ADGRL4: variants seen among roughly 807,000 people sequenced by gnomAD.
The protein encoded by ADGRL4 is adhesion G protein-coupled receptor L4.
Under a neutral mutation model 74.8 loss-of-function variants are expected in ADGRL4, and 90 were observed. The ratio of observed to expected loss-of-function variants is 1.20; its 90% CI spans 1.02 to 1.43. The LOEUF is 1.43. Ranked by LOEUF, ADGRL4 falls within the 40% of genes most tolerant of loss-of-function variation. The probability of loss-of-function intolerance (pLI) is 0.00; values close to 1 mark genes in which losing one functional copy is unlikely to be tolerated. For missense variants in ADGRL4, 881 were observed against 814.3 expected (o/e 1.08, Z -1.00); for synonymous variants, 311 against 279.2 (o/e 1.11, Z -1.14).
At chr1:78,982,158 T>C (rs1321139754) in intron 2 of ADGRL4, among the ~76,000 whole-genome samples, 4 of 151,924 alleles carry the variant, frequency 2.6e-5, no homozygotes, top group Non-Finnish European at 5.9e-5. Flanking sequence ...TAAAACACTT[T>C]CTAACTTGAA....
intron 13 of ADGRL4, 152 bp from the exon 14 acceptor site, chr1:78,891,844 G>A: frequency 1.6e-6 from 1 of 615,726 alleles, no homozygotes; most frequent in Admixed American, 3.4e-5. Context: ...GCTAAGTTGT[G>A]CTGCAGTTAG....
At chr1:78,989,101 T>C (rs1346329454) in intron 2 of ADGRL4, among the ~76,000 whole-genome samples, 1 of 151,824 alleles carries the variant, frequency 6.6e-6, no homozygotes, top group African/African-American at 2.4e-5. Flanking sequence ...TAGACACTTA[T>C]TCAATTTCTG....
chr1:78,959,198 A>G (rs1292192050), intron 2 of ADGRL4, among the ~76,000 whole-genome samples: 1 of 152,238 alleles, frequency 6.6e-6, no homozygotes, highest in Non-Finnish European at 1.5e-5. Context: ...AACCAAATTT[A>G]CAATATCTCT....
chr1:78,908,346 T>C (rs988184777), intron 12 of ADGRL4, among the ~76,000 whole-genome samples: 4 of 152,040 alleles, frequency 2.6e-5, no homozygotes, highest in Non-Finnish European at 5.9e-5. Flanking sequence ...AGGTTTTGTC[T>C]GTTAGCTACA....
At chr1:78,946,170 G>T in intron 3 of ADGRL4, 104 bp downstream of exon 3, 1 of 748,546 alleles carries the variant, frequency 1.3e-6, no homozygotes. Context: ...AACACGTAGG[G>T]TACGATCAAG....
rs536525296 is a variant in ADGRL4, at chr1:78,931,258, G to A, written c.878-4167C>T. 1.2e-4 allele frequency among the ~76,000 whole-genome samples: 18 copies of A among 151,532 alleles called. No individual in the cohort carries two copies. In the East Asian group the frequency reaches 3.3e-3, roughly 28 times the overall value. On this transcript the variant is annotated intron_variant, in intron 7 of 14. Transcript: ENST00000370742. ...TCAGCAGAAACTCTGCAAGTCAGAA[G>A]AGATTGGGGGCCAATATTCAACATT... is the stretch of plus-strand genomic sequence containing the variant.
intron 12 of ADGRL4, 144 bp downstream of exon 12, chr1:78,917,490 T>C: frequency 4.9e-6 from 2 of 411,540 alleles, no homozygotes; most frequent in East Asian, 3.7e-5. Context: ...TTTTTAATTA[T>C]AGTATATGTA....
intron 2 of ADGRL4, among the ~76,000 whole-genome samples, chr1:78,986,291 A>G (rs942149409): frequency 2.0e-5 from 3 of 151,782 alleles, no homozygotes; most frequent in Non-Finnish European, 2.9e-5. Flanking sequence ...ACTATGACTA[A>G]TTGACTTTGT....
intron 12 of ADGRL4, among the ~76,000 whole-genome samples, chr1:78,905,344 T>C (rs1648613996): frequency 6.6e-6 from 1 of 152,036 alleles, no homozygotes; most frequent in Non-Finnish European, 1.5e-5. Context: ...GGGTGACCCA[T>C]AAAGTACCCA....
intron 14 of ADGRL4, 74 bp from the exon 15 acceptor site, chr1:78,891,290 T>A: frequency 6.9e-7 from 1 of 1,455,210 alleles, no homozygotes; most frequent in Non-Finnish European, 9.4e-7. Flanking sequence ...CAAATCACAA[T>A]AAATTGTTAC....
intron 10 of ADGRL4, among the ~76,000 whole-genome samples, chr1:78,919,201 GA>G (rs1262193296): frequency 1.3e-5 from 2 of 151,934 alleles, no homozygotes; most frequent in Non-Finnish European, 2.9e-5. Context: ...AGATTTCTAA[GA>G]ATGGAAATAT....
intron 12 of ADGRL4, among the ~76,000 whole-genome samples, chr1:78,910,734 A>G (rs1648745493): frequency 6.6e-6 from 1 of 151,866 alleles, no homozygotes. Context: ...AGCTTGCTTT[A>G]CAAAGATTTA....
chr1:78,981,944 C>T lies in ADGRL4; in HGVS notation c.172+23126G>A, dbSNP rs188345413. Among the ~76,000 whole-genome samples, 7 of 151,866 alleles carry T rather than the reference C, an allele frequency of 4.6e-5. No homozygotes were observed. The Admixed American group carries it at 4.6e-4, about 10-fold the overall frequency. ...TCATTTTCAACTTCACTTTTTACCT[C>T]TACTTTTAGTCTTCTTTGTAATCTG... On this transcript the variant is annotated intron_variant, in intron 2 of 14. Coordinates refer to ENST00000370742, the MANE Select transcript of ADGRL4 (RefSeq NM_022159.4).
chr1:78,900,757 T>C (rs1188300066), intron 12 of ADGRL4, among the ~76,000 whole-genome samples: 1 of 152,150 alleles, frequency 6.6e-6, no homozygotes, highest in African/African-American at 2.4e-5. Context: ...ATGCTTCCTG[T>C]ACAGCCTGAG....
At chr1:78,897,907 A>G (rs567720277) in intron 12 of ADGRL4, among the ~76,000 whole-genome samples, 7 of 152,274 alleles carry the variant, frequency 4.6e-5, no homozygotes, top group Non-Finnish European at 1.0e-4. Flanking sequence ...TTATCCATAA[A>G]TATATAAGCT....
intron 2 of ADGRL4, among the ~76,000 whole-genome samples, chr1:78,960,296 C>A (rs910643001): frequency 6.6e-6 from 1 of 151,912 alleles, no homozygotes; most frequent in East Asian, 1.9e-4. Flanking sequence ...ATACATGGCA[C>A]TTTATGATTT....
At chr1:78,940,225 T>C (rs1487916837) in intron 3 of ADGRL4, among the ~76,000 whole-genome samples, 1 of 152,150 alleles carries the variant, frequency 6.6e-6, no homozygotes. Flanking sequence ...CGACCTGATT[T>C]CTTTCCAAAG....
chr1:78,986,451 A>G (rs1462688724), intron 2 of ADGRL4, among the ~76,000 whole-genome samples: 3 of 151,340 alleles, frequency 2.0e-5, no homozygotes, highest in Non-Finnish European at 4.4e-5. Context: ...TACAATAAGA[A>G]AAAAGAAAAA....
At chr1:78,989,577 A>T (rs1650563750) in intron 2 of ADGRL4, among the ~76,000 whole-genome samples, 1 of 151,722 alleles carries the variant, frequency 6.6e-6, no homozygotes. Flanking sequence ...GTATGTCCCG[A>T]AGTGCCCGTT....
Sources: allele counts gnomAD v4.1 joint callset (sites outside exome capture counted in the v4.1 genomes callset), GRCh38; gene constraint gnomAD v4.1.1; transcripts MANE v1.5; gene names NCBI Gene and HGNC (gene_info 2026-07-23, HGNC 2026-07-21).